IFNGR2: variants seen among roughly 807,000 people sequenced by gnomAD.
IFNGR2 encodes the protein interferon gamma receptor 2, also known as IFN-gamma receptor 2.
Under a neutral mutation model 41.1 loss-of-function variants are expected in IFNGR2, and 15 were observed. The observed-to-expected ratio is 0.37, with a 90% CI of 0.24 to 0.56. The LOEUF (loss-of-function observed/expected upper bound fraction) is 0.56, where lower values mean the gene tolerates loss of function less well. Among genes scored for constraint, IFNGR2 ranks in the 20% least tolerant of loss-of-function variants. The probability of loss-of-function intolerance (pLI) is 0.81; values close to 1 mark genes in which losing one functional copy is unlikely to be tolerated. For synonymous variants in IFNGR2, 161 were observed against 171.6 expected, an observed-to-expected ratio of 0.94 and a Z score of 0.48; for missense variants, 362 against 415.7, an observed-to-expected ratio of 0.87 and a Z score of 1.12.
chr21:33,409,873 C>T (rs765510800), intron 1 of IFNGR2, among the ~76,000 whole-genome samples: 59 of 152,186 alleles, frequency 3.9e-4, no homozygotes, highest in Non-Finnish European at 7.2e-4. Context: ...AGCCAAAATG[C>T]CCTCTATAAG....
chr21:33,420,242 G>A (rs1223244365), intron 2 of IFNGR2, among the ~76,000 whole-genome samples: 11 of 151,934 alleles, frequency 7.2e-5, no homozygotes, highest in African/African-American at 2.2e-4. Flanking sequence ...GATACAGAGC[G>A]GTCTCCAGTC....
At chr21:33,420,181 C>T (rs915277264) in intron 2 of IFNGR2, among the ~76,000 whole-genome samples, 5 of 152,058 alleles carry the variant, frequency 3.3e-5, no homozygotes, top group Admixed American at 1.3e-4. Flanking sequence ...TGGAGAGGGT[C>T]GGAGGTACAG....
rs770051303 is a variant in IFNGR2 at position 33,436,943 on chromosome 21, A to G, written c.995A>G (p.Asp332Gly). The G allele has an allele frequency of 5.6e-6, 9 of 1,613,898 alleles. No homozygotes were observed. In the South Asian group the frequency reaches 7.7e-5, roughly 14 times the overall value. The change falls in exon 7 of 7, where the codon GAT becomes GGT. Residue 332 changes from aspartate to glycine, a missense_variant. Asp to Gly is a moderately conservative substitution (Grantham distance 94). Coordinates refer to ENST00000290219, the MANE Select transcript of IFNGR2 (RefSeq NM_005534.4). ...TCGTTTCCGGAAAAGGAGCAAGAAG[A>G]TGTTCTCCAAACGCTTTGAACCAAA... is the stretch of plus-strand genomic sequence containing the variant. ...IISFPEKEQEDVLQTL is the reference protein window; with the variant it reads ...IISFPEKEQEGVLQTL
chr21:33,434,839 C>G (rs912694332), intron 6 of IFNGR2, among the ~76,000 whole-genome samples: 3 of 152,166 alleles, frequency 2.0e-5, no homozygotes, highest in African/African-American at 7.2e-5. Flanking sequence ...AATAATCTCT[C>G]TCTCTCCTGG....
chr21:33,423,843 T>TTA (rs1370422299), intron 3 of IFNGR2, among the ~76,000 whole-genome samples: 1 of 151,168 alleles, frequency 6.6e-6, no homozygotes, highest in Non-Finnish European at 1.5e-5. Context: ...TTTTTTTTTT[T>TTA]AATCAGTGGT....
intron 4 of IFNGR2, among the ~76,000 whole-genome samples, chr21:33,431,704 G>A (rs1057309651): frequency 5.9e-5 from 9 of 152,220 alleles, no homozygotes; most frequent in African/African-American, 1.9e-4. Context: ...CCATGTAGCT[G>A]GGATTACAGG....
At chr21:33,403,669 G>T (rs1447910892) in intron 1 of IFNGR2, 53 bp downstream of exon 1, 7 of 1,214,408 alleles carry the variant, frequency 5.8e-6, no homozygotes, top group Non-Finnish European at 7.3e-6. Flanking sequence ...CGCAGCATGT[G>T]GGGGCTGGGG....
At chr21:33,433,483 G>A (rs1279301333) in intron 6 of IFNGR2, among the ~76,000 whole-genome samples, 1 of 152,146 alleles carries the variant, frequency 6.6e-6, no homozygotes, top group African/African-American at 2.4e-5. Flanking sequence ...TGGACCTTGA[G>A]GACATTATGC....
chr21:33,403,693 TG>T, intron 1 of IFNGR2, 77 bp downstream of exon 1: 2 of 700,296 alleles, frequency 2.9e-6, no homozygotes, highest in Non-Finnish European at 3.7e-6. Context: ...TCCCGGATCG[TG>T]GGGTGGGGGG....
At chr21:33,406,463 A>C (rs2083678397) in intron 1 of IFNGR2, among the ~76,000 whole-genome samples, 1 of 152,160 alleles carries the variant, frequency 6.6e-6, no homozygotes, top group South Asian at 2.1e-4. Context: ...CACATTAAAC[A>C]GCTTAAAAAC....
intron 2 of IFNGR2, among the ~76,000 whole-genome samples, chr21:33,417,920 A>G (rs949706777): frequency 1.3e-5 from 2 of 152,010 alleles, no homozygotes; most frequent in Non-Finnish European, 2.9e-5. Context: ...AAAACCTTTG[A>G]TAGAGTTTCA....
At chr21:33,421,331 CAAAAAA>C (rs569309072) in intron 2 of IFNGR2, 143 bp from the exon 3 acceptor site, 20 of 461,886 alleles carry the variant, frequency 4.3e-5, no homozygotes, top group Non-Finnish European at 5.1e-5. Context: ...AACTCCATCT[CAAAAAA>C]AAAAAAAAAA....
At chr21:33,405,103 G>GAAAAAAAAAAAAAAAAAAAAAAAAA (rs3057379) in intron 1 of IFNGR2, among the ~76,000 whole-genome samples, 1 of 119,834 alleles carries the variant, frequency 8.3e-6, no homozygotes, top group Non-Finnish European at 1.8e-5. Flanking sequence ...CTCTGTCTCA[G>GAAAAAAAAAAAAAAAAAAAAAAAAA]AAAAAAAAAA....
At chr21:33,436,716 T>G (rs2083955895) in intron 6 of IFNGR2, 112 bp from the exon 7 acceptor site, 2 of 844,156 alleles carry the variant, frequency 2.4e-6, no homozygotes, top group Non-Finnish European at 3.6e-6. Flanking sequence ...TAAGACTCCA[T>G]CTCAAAAAAA....
chr21:33,425,382 G>A (rs1201609525), intron 3 of IFNGR2, among the ~76,000 whole-genome samples: 1 of 152,168 alleles, frequency 6.6e-6, no homozygotes, highest in Admixed American at 6.5e-5. Flanking sequence ...GAGGTTTACT[G>A]GGTTCATGTC....
chr21:33,409,888 T>G (rs1482883128), intron 1 of IFNGR2, among the ~76,000 whole-genome samples: 1 of 152,166 alleles, frequency 6.6e-6, no homozygotes, highest in Non-Finnish European at 1.5e-5. Context: ...TATAAGCACG[T>G]GTATTTCCTT....
In IFNGR2 at chr21:33,403,598, G is replaced by T. The variant is rs1253785897; in HGVS notation, c.55G>T (p.Ala19Ser). The change falls in exon 1 of 7, where the codon GCC becomes TCC. Residue 19 changes from alanine (A) to serine (S), a missense_variant. Transcript: ENST00000290219. ...GCTGCTGCTCGGAGTCTTCGCCGCC[G>T]CCGCCGCGGCCCCGCCAGGTGAGCC... is the stretch of plus-strand genomic sequence containing the variant. Reference protein sequence around the residue: ...LLLLLGVFAAAAAAPPDPLSQ... With the variant: ...LLLLLGVFAASAAAPPDPLSQ... 1.5e-6 allele frequency: 2 copies of T among 1,361,922 alleles called. No homozygotes were observed. Among genetic ancestry groups the T allele is most frequent in the Non-Finnish European group, 1.9e-6 (2 of 1,054,396 alleles). The allele number at this position is 1,361,922 out of a possible 1,614,324, so 84.4% of individuals were successfully genotyped here.
chr21:33,413,555 T>G (rs2083731224), intron 1 of IFNGR2, among the ~76,000 whole-genome samples: 2 of 152,230 alleles, frequency 1.3e-5, no homozygotes, highest in Non-Finnish European at 2.9e-5. Context: ...TTCTTCCACC[T>G]TCTGGGCATT....
At chr21:33,423,141 G>A (rs889284565) in intron 3 of IFNGR2, among the ~76,000 whole-genome samples, 8 of 143,236 alleles carry the variant, frequency 5.6e-5, no homozygotes, top group Middle Eastern at 3.8e-3. Flanking sequence ...CCAGGTTCAC[G>A]CCATTCTCCT....
Sources: allele counts gnomAD v4.1 joint callset (sites outside exome capture counted in the v4.1 genomes callset), GRCh38; gene constraint gnomAD v4.1.1; transcripts MANE v1.5; gene names NCBI Gene and HGNC (gene_info 2026-07-23, HGNC 2026-07-21).